The following ABHD2 variants were observed in gnomAD, a reference collection of about 807,000 sequenced individuals.
ABHD2 encodes the protein abhydrolase domain containing 2, acylglycerol lipase, also known as monoacylglycerol lipase ABHD2.
In ABHD2, 20 loss-of-function variants were observed where a neutral mutation model predicts 48.1. The observed-to-expected ratio is 0.42, with a 90% CI of 0.29 to 0.60. The LOEUF is 0.60. Among genes scored for constraint, ABHD2 ranks in the 20% least tolerant of loss-of-function variants. The probability of loss-of-function intolerance (pLI) is 0.24; values close to 1 mark genes in which losing one functional copy is unlikely to be tolerated. For missense variants in ABHD2, 405 were observed against 550.9 expected (o/e 0.74, Z 2.65); for synonymous variants, 209 against 214.2 (o/e 0.98, Z 0.21).
At chr15:89,062,927 G>T in the ABHD2 span, among the ~76,000 whole-genome samples, 1 of 149,856 alleles carries the variant, frequency 6.7e-6, no homozygotes, top group South Asian at 2.1e-4. Flanking sequence ...TTGCTCATTT[G>T]AGTATGTCAG....
intron 4 of ABHD2, among the ~76,000 whole-genome samples, chr15:89,152,989 C>CA (rs1302051183): frequency 6.6e-6 from 1 of 151,974 alleles, no homozygotes; most frequent in African/African-American, 2.4e-5. Context: ...GGGTAAATTC[C>CA]AGTAAACATA....
chr15:89,155,004 T>C lies in ABHD2; in HGVS notation c.371-363T>C, dbSNP rs1402197882. ...AATTTCTTACAGAAATTAAGAGTAA[T>C]GTTCAGGAACTTCTATAGCAATGTG... is the stretch of plus-strand genomic sequence containing the variant. On this transcript the variant is annotated intron_variant, in intron 4 of 10. Coordinates refer to ENST00000352732, the MANE Select transcript of ABHD2 (RefSeq NM_152924.5). This position sits in a 1 kb window ranked among gnomAD's most constrained non-coding sequence, Gnocchi z 4.9. Among the ~76,000 whole-genome samples the C allele has an allele frequency of 6.6e-6, 1 of 152,256 alleles. No individual in the cohort carries two copies. The highest frequency in any genetic ancestry group is 1.5e-5 in the Non-Finnish European group (1 of 68,038).
intron 3 of ABHD2, chr15:89,136,534 A>G: frequency 6.0e-6 from 2 of 334,216 alleles, no homozygotes; most frequent in South Asian, 2.5e-5. Context: ...AGAATTGCCC[A>G]GTGCCCATCT....
At chr15:89,123,037 T>G (rs1374356104) in intron 3 of ABHD2, among the ~76,000 whole-genome samples, 1 of 152,182 alleles carries the variant, frequency 6.6e-6, no homozygotes, top group Non-Finnish European at 1.5e-5. Context: ...GTAATCGCTT[T>G]CTTCTGCAAC....
At chr15:89,060,209 G>A in the ABHD2 span, among the ~76,000 whole-genome samples, 2 of 147,582 alleles carry the variant, frequency 1.4e-5, no homozygotes, top group Admixed American at 1.4e-4. Flanking sequence ...TCCTGTCTCA[G>A]CCTCCCAAGT....
intron 10 of ABHD2, among the ~76,000 whole-genome samples, chr15:89,193,666 G>A (rs565074126): frequency 3.9e-5 from 6 of 152,118 alleles, no homozygotes; most frequent in Admixed American, 2.6e-4. Context: ...TTTAAAATTC[G>A]AGACTAGGTG....
chr15:89,052,970 T>G, the ABHD2 span, among the ~76,000 whole-genome samples: 1 of 126,718 alleles, frequency 7.9e-6, no homozygotes, highest in South Asian at 2.3e-4. Flanking sequence ...GGTGGGCAGC[T>G]TTTTTTTTTT....
At position 89,198,871 on chromosome 15, in the gene ABHD2, G is replaced by A. The variant is rs1272687182; in HGVS notation, c.*3448G>A. 6.6e-6 allele frequency: 1 copy of A among 152,220 alleles called. No homozygotes were observed. Among genetic ancestry groups the A allele is most frequent in the Non-Finnish European group, 1.5e-5 (1 of 68,082 alleles). The allele number at this position is 152,220 out of a possible 1,614,324, so 9.4% of individuals were successfully genotyped here. ...TTTCCTGGTGAAGACCCTTGATCTT[G>A]TCCAAAGCCCTGTGTCTTTGACTGG... is the stretch of plus-strand genomic sequence containing the variant. On this transcript the variant is annotated 3_prime_UTR_variant, in exon 11 of 11. Coordinates refer to ENST00000352732, the MANE Select transcript of ABHD2 (RefSeq NM_152924.5). This position sits in a 1 kb window ranked among gnomAD's most constrained non-coding sequence, Gnocchi z 5.1.
chr15:89,112,711 T>C (rs2049894667), intron 1 of ABHD2, among the ~76,000 whole-genome samples: 1 of 152,220 alleles, frequency 6.6e-6, no homozygotes, highest in African/African-American at 2.4e-5. Context: ...CTCTGGTGTC[T>C]TGTGTGTGTC....
At chr15:89,108,633 A>T (rs1439927241) in intron 1 of ABHD2, among the ~76,000 whole-genome samples, 1 of 152,160 alleles carries the variant, frequency 6.6e-6, no homozygotes, top group Non-Finnish European at 1.5e-5. Flanking sequence ...CCGCACTGTA[A>T]GTTGTGTCCT....
upstream of ABHD2, among the ~76,000 whole-genome samples, chr15:89,084,482 T>C (rs1901324096): frequency 6.6e-6 from 1 of 152,128 alleles, no homozygotes; most frequent in Non-Finnish European, 1.5e-5. The surrounding 1 kb of genome is among the most constrained non-coding windows in gnomAD (Gnocchi z 4.4). Context: ...GTATTTTTAG[T>C]AGAGACGGTG....
chr15:89,057,120 A>T, the ABHD2 span, among the ~76,000 whole-genome samples: 19 of 152,114 alleles, frequency 1.2e-4, no homozygotes, highest in African/African-American at 4.3e-4. Flanking sequence ...TCACCGTGTT[A>T]GCAGGCTGGT....
rs112191890 is a variant in ABHD2, at chr15:89,133,534, A to G, written c.194+17013A>G. Among the ~76,000 whole-genome samples the G allele has an allele frequency of 3.3e-3, 503 of 152,286 alleles. 3 individuals carry two copies. The highest frequency in any genetic ancestry group is 9.5e-3 in the African/African-American group (396 of 41,560). On this transcript the variant is annotated intron_variant, in intron 3 of 10. Coordinates refer to ENST00000352732, the MANE Select transcript of ABHD2 (RefSeq NM_152924.5). ...CCAACATCAGGAGTTCTACTTTTTGATATTTGCCAATCTGGTAGGTGAAAA... is the reference window on the plus strand; with the variant it reads ...CCAACATCAGGAGTTCTACTTTTTGGTATTTGCCAATCTGGTAGGTGAAAA...
chr15:89,125,060 GC>G (rs1345540065), intron 3 of ABHD2, among the ~76,000 whole-genome samples: 1 of 151,580 alleles, frequency 6.6e-6, no homozygotes, highest in African/African-American at 2.4e-5. Flanking sequence ...TTGCACTCCA[GC>G]CTTGGGGACA....
intron 3 of ABHD2, among the ~76,000 whole-genome samples, chr15:89,133,850 T>TTG (rs796249215): frequency 0.017 from 2,511 of 147,756 alleles, 64 homozygotes; most frequent in African/African-American, 0.059. Flanking sequence ...TTTTTTTTTT[T>TTG]TTTTGAGACA....
the ABHD2 span, among the ~76,000 whole-genome samples, chr15:89,067,128 GAGACA>G: frequency 1.1e-4 from 16 of 151,562 alleles, no homozygotes; most frequent in South Asian, 2.9e-3. Context: ...TTAAAGGAAT[GAGACA>G]AGACAAGAGT....
chr15:89,063,659 T>A, the ABHD2 span, among the ~76,000 whole-genome samples: 1 of 152,142 alleles, frequency 6.6e-6, no homozygotes, highest in Non-Finnish European at 1.5e-5. Context: ...AAATTTACCA[T>A]TTTAAGCATG....
rs534181528 is a variant in ABHD2, at chr15:89,103,941, G to A, written c.-106-9784G>A. 4 of 152,290 alleles carry A rather than the reference G, an allele frequency of 2.6e-5. No homozygotes were observed. The South Asian group carries it at 8.3e-4, about 32-fold the overall frequency. The allele number at this position is 152,290 out of a possible 1,614,324, so 9.4% of individuals were successfully genotyped here. A position where few individuals can be genotyped will look rare whatever the true frequency, so the allele number is the denominator to read the frequency against. On this transcript the variant is annotated intron_variant, in intron 1 of 10. Coordinates refer to ENST00000352732, the MANE Select transcript of ABHD2 (RefSeq NM_152924.5). Reference sequence around the variant, plus strand: ...CTTCATATTTATCTGGATTTAGCTGGTAGCATTTGTCTCCTAAGACTTGGT... The same window carrying A: ...CTTCATATTTATCTGGATTTAGCTGATAGCATTTGTCTCCTAAGACTTGGT...
chr15:89,166,881 C>T lies in ABHD2; in HGVS notation c.539-8931C>T, dbSNP rs919424605. Among the ~76,000 whole-genome samples, 13 of 151,998 alleles carry T rather than the reference C, an allele frequency of 8.6e-5. No individual in the cohort carries two copies. The highest frequency in any genetic ancestry group is 4.2e-4 in the South Asian group (2 of 4,814). On this transcript the variant is annotated intron_variant, in intron 5 of 10. Transcript: ENST00000352732. This position sits in a 1 kb window ranked among gnomAD's most constrained non-coding sequence, Gnocchi z 4.6. ...AGAAAACTTGGTCTTGCTTAGAGGA[C>T]GGGACTTCAGTCTTAGAAGGGAGGG...
Sources: allele counts gnomAD v4.1 joint callset (sites outside exome capture counted in the v4.1 genomes callset), GRCh38; gene constraint gnomAD v4.1.1; non-coding constraint Gnocchi (gnomAD v3.1); transcripts MANE v1.5; gene names NCBI Gene and HGNC (gene_info 2026-07-23, HGNC 2026-07-21).